KCNN3: variants seen among roughly 807,000 people sequenced by gnomAD.
KCNN3 encodes the protein small conductance calcium-activated potassium channel protein 3.
Under a neutral mutation model 62.9 loss-of-function variants are expected in KCNN3, and 16 were observed. The ratio of observed to expected loss-of-function variants is 0.25; its 90% CI spans 0.17 to 0.39. The LOEUF is 0.39. Among genes scored for constraint, KCNN3 ranks in the 10% least tolerant of loss-of-function variants. The pLI, the probability that KCNN3 is intolerant of heterozygous loss-of-function variation, is 1.00. For synonymous variants in KCNN3, 370 were observed against 389.2 expected, an observed-to-expected ratio of 0.95 and a Z score of 0.58; for missense variants, 599 against 949.4, an observed-to-expected ratio of 0.63 and a Z score of 4.85.
intron 2 of KCNN3, among the ~76,000 whole-genome samples, chr1:154,786,873 G>A (rs1185649215): frequency 1.3e-5 from 2 of 152,232 alleles, no homozygotes; most frequent in African/African-American, 4.8e-5. Context: ...AAAGCCACTT[G>A]TGGCGCCTAA....
At chr1:154,781,423 G>A (rs558175913) in intron 2 of KCNN3, among the ~76,000 whole-genome samples, 1 of 152,236 alleles carries the variant, frequency 6.6e-6, no homozygotes, top group Non-Finnish European at 1.5e-5. Context: ...TGGGCTGTGG[G>A]GCCATTTCTT....
At chr1:154,780,750 G>A (rs191554567) in intron 2 of KCNN3, among the ~76,000 whole-genome samples, 14 of 152,098 alleles carry the variant, frequency 9.2e-5, no homozygotes, top group South Asian at 2.1e-4. Context: ...TGCCAGTGAC[G>A]AAATGAACTT....
At chr1:154,743,080 T>A (rs1034551278) in intron 3 of KCNN3, among the ~76,000 whole-genome samples, 2 of 152,112 alleles carry the variant, frequency 1.3e-5, no homozygotes, top group African/African-American at 4.8e-5. Flanking sequence ...GCGCCTGTCA[T>A]CCCTGGTCTG....
At chr1:154,814,682 A>G (rs1245053341) in intron 2 of KCNN3, among the ~76,000 whole-genome samples, 1 of 152,240 alleles carries the variant, frequency 6.6e-6, no homozygotes, top group Non-Finnish European at 1.5e-5. Flanking sequence ...ATCGTCTCTG[A>G]GGCGCTTGCT....
intron 2 of KCNN3, among the ~76,000 whole-genome samples, chr1:154,785,826 C>G (rs114752749): frequency 0.022 from 3,410 of 152,050 alleles, 132 homozygotes; most frequent in African/African-American, 0.077. Context: ...GTCTCAAACT[C>G]CTAGCCTCAT....
chr1:154,868,718 G>A (rs1373870436), intron 1 of KCNN3, among the ~76,000 whole-genome samples: 3 of 152,096 alleles, frequency 2.0e-5, no homozygotes, highest in Non-Finnish European at 4.4e-5. Flanking sequence ...CTCCCTAACA[G>A]AGAGTCTGCA....
At chr1:154,837,105 T>C (rs1328775282) in intron 1 of KCNN3, among the ~76,000 whole-genome samples, 1 of 81,540 alleles carries the variant, frequency 1.2e-5, no homozygotes, top group African/African-American at 5.1e-5. Context: ...TGTTTAAGCC[T>C]TTTTTTTTTT....
At chr1:154,745,019 G>A (rs967265544) in intron 3 of KCNN3, among the ~76,000 whole-genome samples, 2 of 152,016 alleles carry the variant, frequency 1.3e-5, no homozygotes, top group African/African-American at 2.4e-5. Context: ...AAGACTCAGG[G>A]CTGATCACAA....
chr1:154,736,396 T>C (rs1475892641), intron 3 of KCNN3, among the ~76,000 whole-genome samples: 1 of 152,234 alleles, frequency 6.6e-6, no homozygotes, highest in Non-Finnish European at 1.5e-5. Flanking sequence ...AAGTTTAGGC[T>C]GGAGAACTAT....
chr1:154,796,922 G>A (rs1019081726), intron 2 of KCNN3, among the ~76,000 whole-genome samples: 2 of 152,200 alleles, frequency 1.3e-5, no homozygotes, highest in Non-Finnish European at 2.9e-5. Flanking sequence ...AACCAGAAAT[G>A]AAAAAGGCGT....
intron 2 of KCNN3, among the ~76,000 whole-genome samples, chr1:154,794,478 G>A (rs527253891): frequency 6.6e-6 from 1 of 152,342 alleles, no homozygotes; most frequent in East Asian, 1.9e-4. Flanking sequence ...AGTCTTGCTT[G>A]TGAAGAACTG....
chr1:154,853,875 C>T (rs928161979), intron 1 of KCNN3, among the ~76,000 whole-genome samples: 3 of 151,884 alleles, frequency 2.0e-5, no homozygotes, highest in South Asian at 4.1e-4. Flanking sequence ...ATCTGGGAGG[C>T]GGAAGTTGCA....
intron 6 of KCNN3, among the ~76,000 whole-genome samples, chr1:154,714,607 T>G (rs532457510): frequency 0.033 from 1,224 of 37,232 alleles, 121 homozygotes; most frequent in Non-Finnish European, 0.049. Context: ...TGATGTGTGG[T>G]GTGTGGTGTG....
At chr1:154,782,220 C>G (rs7544895) in intron 2 of KCNN3, among the ~76,000 whole-genome samples, 43,626 of 152,122 alleles carry the variant, frequency 0.29, 6,451 homozygotes, top group East Asian at 0.44. Flanking sequence ...GACCACAGAC[C>G]CACTCCCACC....
At chr1:154,853,960 G>A (rs1652411732) in intron 1 of KCNN3, among the ~76,000 whole-genome samples, 1 of 150,926 alleles carries the variant, frequency 6.6e-6, no homozygotes, top group Non-Finnish European at 1.5e-5. Flanking sequence ...AAAAAGCTGG[G>A]CGCGGTGGCT....
At chr1:154,763,831 A>G (rs1445976413) in intron 3 of KCNN3, among the ~76,000 whole-genome samples, 2 of 152,184 alleles carry the variant, frequency 1.3e-5, no homozygotes, top group Non-Finnish European at 2.9e-5. Flanking sequence ...TAAAAAGAAG[A>G]TGTTTGTTTA....
intron 1 of KCNN3, 103 bp from the exon 2 acceptor site, chr1:154,822,287 A>G: frequency 4.7e-6 from 4 of 851,592 alleles, no homozygotes; most frequent in Non-Finnish European, 7.9e-6. Context: ...CACAGGAGGG[A>G]CTGTTACCAG....
At chr1:154,816,421 G>C (rs1423727075) in intron 2 of KCNN3, among the ~76,000 whole-genome samples, 1 of 152,122 alleles carries the variant, frequency 6.6e-6, no homozygotes, top group Non-Finnish European at 1.5e-5. Context: ...TCCCATCCTG[G>C]GTCACAGTAG....
At chr1:154,823,220 G>A (rs1650976447) in intron 1 of KCNN3, among the ~76,000 whole-genome samples, 1 of 152,198 alleles carries the variant, frequency 6.6e-6, no homozygotes, top group Non-Finnish European at 1.5e-5. Flanking sequence ...TGGAAGTAGA[G>A]ATAGCTCCTA....
Sources: gnomAD v4.1 joint callset for allele counts (sites outside exome capture counted in the v4.1 genomes callset) on GRCh38, gnomAD v4.1.1 for gene constraint, MANE v1.5 for transcripts, NCBI Gene and HGNC (gene_info 2026-07-23, HGNC 2026-07-21) for gene names.